DAB1: variants seen among roughly 807,000 people sequenced by gnomAD.
DAB1 encodes disabled homolog 1.
A neutral mutation model predicts 64.6 loss-of-function variants in DAB1; 15 were observed. The observed-to-expected ratio is 0.23, with a 90% CI of 0.16 to 0.36. The LOEUF (loss-of-function observed/expected upper bound fraction) is 0.36, where lower values mean the gene tolerates loss of function less well. Ranked by LOEUF, DAB1 falls within the 10% of genes least tolerant of loss-of-function variation. The pLI, the probability that DAB1 is intolerant of heterozygous loss-of-function variation, is 1.00. For missense variants in DAB1, 596 were observed against 706.7 expected (o/e 0.84, Z 1.78); for synonymous variants, 235 against 251.9 (o/e 0.93, Z 0.64).
At chr1:57,576,244 G>C (rs566074772) in intron 7 of DAB1, among the ~76,000 whole-genome samples, 2 of 152,218 alleles carry the variant, frequency 1.3e-5, no homozygotes, top group African/African-American at 4.8e-5. Context: ...ACATAAGGTA[G>C]ACCAGGCTAA....
chr1:58,199,750 T>C (rs879728490), intron 4 of DAB1, among the ~76,000 whole-genome samples: 7 of 152,206 alleles, frequency 4.6e-5, no homozygotes, highest in Admixed American at 2.6e-4. Context: ...TTACGGTAGA[T>C]TGATTGCTAC....
chr1:58,530,489 C>A (rs762033659), intron 1 of DAB1: 5 of 640,572 alleles, frequency 7.8e-6, no homozygotes, highest in African/African-American at 1.8e-5. Context: ...AAAATTCGTA[C>A]CCATATTTCA....
chr1:58,138,991 T>C (rs190737573), intron 5 of DAB1, among the ~76,000 whole-genome samples: 2 of 152,234 alleles, frequency 1.3e-5, no homozygotes, highest in African/African-American at 4.8e-5. Flanking sequence ...GGCTGGTCCT[T>C]CTCCAGAGAA....
At chr1:57,318,198 G>A (rs369378186) in intron 1 of DAB1, among the ~76,000 whole-genome samples, 1 of 149,824 alleles carries the variant, frequency 6.7e-6, no homozygotes, top group African/African-American at 2.5e-5. Flanking sequence ...ACTTTGATTG[G>A]TCCAGAGAGA....
intron 7 of DAB1, among the ~76,000 whole-genome samples, chr1:57,584,041 A>G (rs1645348907): frequency 6.6e-6 from 1 of 152,206 alleles, no homozygotes; most frequent in Non-Finnish European, 1.5e-5. Context: ...TAATAGGTAG[A>G]GAAGACTGAA....
rs6587769 is a variant in DAB1, at chr1:57,514,412, G to A, written n.625+135180C>T. ...GATATCTCATTTTGGTTTTAATTTG[G>A]ATTTCTCTGATGTTTAGTCATGTTA... On this transcript the variant is annotated intron_variant and non_coding_transcript_variant, in intron 7 of 20. Coordinates refer to the DAB1 transcript ENST00000485760. Among the ~76,000 whole-genome samples the A allele has an allele frequency of 7.2e-5, 11 of 152,080 alleles. No individual in the cohort carries two copies. The South Asian group carries it at 2.3e-3, about 32-fold the overall frequency.
intron 1 of DAB1, among the ~76,000 whole-genome samples, chr1:57,291,980 C>G (rs1409534057): frequency 1.3e-5 from 2 of 152,134 alleles, no homozygotes; most frequent in African/African-American, 4.8e-5. Flanking sequence ...AACAAATATA[C>G]AGTATTCTCT....
chr1:57,275,025 T>C (rs919145889), intron 2 of DAB1, among the ~76,000 whole-genome samples: 6 of 152,126 alleles, frequency 3.9e-5, no homozygotes, highest in Admixed American at 6.6e-5. Context: ...AGAATAGGTG[T>C]TTGTCTTAAT....
chr1:57,914,082 A>G (rs1167320297), intron 5 of DAB1, among the ~76,000 whole-genome samples: 1 of 152,226 alleles, frequency 6.6e-6, no homozygotes, highest in Non-Finnish European at 1.5e-5. Flanking sequence ...TGACCCAGCC[A>G]TCCCATTACT....
chr1:57,962,855 C>G (rs1645559602), intron 5 of DAB1, among the ~76,000 whole-genome samples: 1 of 149,012 alleles, frequency 6.7e-6, no homozygotes. Flanking sequence ...AGCCTGGCAA[C>G]AGAGTGAGAT....
chr1:57,198,640 T>TTCTCTCTCTCTCTC lies in DAB1; in HGVS notation c.68-53212_68-53211insGAGAGAGAGAGAGA, dbSNP rs139550960. On this transcript the variant is annotated intron_variant, in intron 2 of 14. Coordinates refer to ENST00000371236, the MANE Select transcript of DAB1 (RefSeq NM_001365792.1). ...CTCTTCCTCCCTCCCTCCCTGCATCTTCTCTCTCTCACACACACACACACA... is the reference window on the plus strand; with the variant it reads ...CTCTTCCTCCCTCCCTCCCTGCATCTTCTCTCTCTCTCTCTCTCTCTCTCACACACACACACACA... 7.6e-4 allele frequency among the ~76,000 whole-genome samples: 100 copies of TTCTCTCTCTCTCTC among 131,118 alleles called. 1 individual carries two copies. Among genetic ancestry groups the TTCTCTCTCTCTCTC allele is most frequent in the South Asian group, 4.9e-3 (18 of 3,696 alleles). 86.0% of individuals were successfully genotyped at this position (131,118 alleles called of 152,430 possible).
chr1:58,305,195 T>C (rs1209009217), intron 4 of DAB1, among the ~76,000 whole-genome samples: 4 of 152,150 alleles, frequency 2.6e-5, no homozygotes, highest in Non-Finnish European at 5.9e-5. Flanking sequence ...GCCTCCCAAG[T>C]AGCTGGGACT....
intron 6 of DAB1, among the ~76,000 whole-genome samples, chr1:57,773,035 C>T (rs997782388): frequency 2.0e-5 from 3 of 152,010 alleles, no homozygotes; most frequent in Non-Finnish European, 4.4e-5. Flanking sequence ...ATACCAAGAA[C>T]TGCCAGCAAC....
intron 7 of DAB1, among the ~76,000 whole-genome samples, chr1:57,481,032 C>T (rs1644012470): frequency 1.3e-5 from 2 of 152,186 alleles, no homozygotes; most frequent in Admixed American, 1.3e-4. Flanking sequence ...GAACTTATGA[C>T]TGACAAAGTT....
intron 7 of DAB1, among the ~76,000 whole-genome samples, chr1:57,571,961 C>T (rs1645198332): frequency 6.6e-6 from 1 of 152,110 alleles, no homozygotes; most frequent in Non-Finnish European, 1.5e-5. Flanking sequence ...ATGGAAGGTG[C>T]TTTGGAAAAT....
intron 1 of DAB1, among the ~76,000 whole-genome samples, chr1:57,380,436 CT>C (rs924552824): frequency 2.6e-5 from 4 of 152,184 alleles, no homozygotes; most frequent in Admixed American, 2.0e-4. Context: ...CTACTTTGTA[CT>C]TTTTACCATA....
chr1:58,519,036 C>G (rs1374592191), intron 2 of DAB1, among the ~76,000 whole-genome samples: 1 of 152,154 alleles, frequency 6.6e-6, no homozygotes, highest in Non-Finnish European at 1.5e-5. Context: ...TATCTCTACA[C>G]TTATTGCTCG....
intron 4 of DAB1, among the ~76,000 whole-genome samples, chr1:57,099,173 G>A (rs1277722433): frequency 6.6e-6 from 1 of 152,142 alleles, no homozygotes; most frequent in African/African-American, 2.4e-5. Flanking sequence ...AGTGCTGAGG[G>A]TACACAGACA....
intron 5 of DAB1, among the ~76,000 whole-genome samples, chr1:57,891,896 C>T (rs1164369995): frequency 2.0e-5 from 3 of 152,048 alleles, no homozygotes; most frequent in Admixed American, 6.6e-5. Context: ...TTAATGTAGA[C>T]GACGGGTTGA....
Sources: allele counts gnomAD v4.1 joint callset (sites outside exome capture counted in the v4.1 genomes callset), GRCh38; gene constraint gnomAD v4.1.1; transcripts MANE v1.5; gene names NCBI Gene and HGNC (gene_info 2026-07-23, HGNC 2026-07-21).